The following SLC38A12 variants were observed in gnomAD, a reference collection of about 807,000 sequenced individuals.
The protein encoded by SLC38A12 is putative sodium-coupled neutral amino acid transporter 12.
At chr17:74,839,305 A>T in the SLC38A12 span, 2 of 896,922 alleles carry the variant, frequency 2.2e-6, no homozygotes, top group Non-Finnish European at 3.3e-6. Flanking sequence ...GCAACAGGCA[A>T]AGGCCAGAGT....
At chr17:74,839,168 C>T in the SLC38A12 span, 4 of 1,505,386 alleles carry the variant, frequency 2.7e-6, no homozygotes, top group Non-Finnish European at 3.5e-6. Context: ...CAGCTGCCAG[C>T]TTATAGATGG....
At chr17:74,796,421 G>A in the SLC38A12 span, among the ~76,000 whole-genome samples, 1 of 152,326 alleles carries the variant, frequency 6.6e-6, no homozygotes, top group Non-Finnish European at 1.5e-5. Flanking sequence ...AGGGAGGCAG[G>A]GACCAAGAGA....
At chr17:74,833,800 G>A in the SLC38A12 span, among the ~76,000 whole-genome samples, 5 of 152,202 alleles carry the variant, frequency 3.3e-5, no homozygotes, top group South Asian at 4.1e-4. Context: ...GTGGTACCTC[G>A]AGATGGCAGT....
chr17:74,816,150 T>C, the SLC38A12 span, among the ~76,000 whole-genome samples: 2 of 152,226 alleles, frequency 1.3e-5, no homozygotes, highest in Non-Finnish European at 2.9e-5. Context: ...GGCTCCTCCC[T>C]GTCAGCCCCA....
the SLC38A12 span, among the ~76,000 whole-genome samples, chr17:74,784,474 G>A: frequency 6.6e-6 from 1 of 152,180 alleles, no homozygotes; most frequent in African/African-American, 2.4e-5. Context: ...TGACTAGCAG[G>A]CAGCTGGACT....
At chr17:74,833,668 T>C in the SLC38A12 span, among the ~76,000 whole-genome samples, 1 of 152,320 alleles carries the variant, frequency 6.6e-6, no homozygotes, top group East Asian at 1.9e-4. Flanking sequence ...TCCTGCCTTC[T>C]TGCCTGCTTG....
the SLC38A12 span, among the ~76,000 whole-genome samples, chr17:74,814,228 C>T: frequency 5.5e-4 from 84 of 151,518 alleles, no homozygotes; most frequent in African/African-American, 1.9e-3. Context: ...CTGGTGATGG[C>T]GGGAAGCCGG....
At chr17:74,795,779 G>T in the SLC38A12 span, 2 of 656,806 alleles carry the variant, frequency 3.0e-6, no homozygotes, top group Non-Finnish European at 5.2e-6. Flanking sequence ...TGGGGCCTTG[G>T]CCCCAGGCAG....
At chr17:74,778,012 T>G in the SLC38A12 span, among the ~76,000 whole-genome samples, 1 of 152,264 alleles carries the variant, frequency 6.6e-6, no homozygotes, top group African/African-American at 2.4e-5. Context: ...CTCTGGGTTT[T>G]GCTCATCTCA....
chr17:74,790,238 C>T, the SLC38A12 span: 23,526 of 1,614,040 alleles, frequency 0.015, 196 homozygotes, highest in Non-Finnish European at 0.018. Context: ...CCTCAGACAG[C>T]GATGTTCTCA....
the SLC38A12 span, among the ~76,000 whole-genome samples, chr17:74,810,675 T>C: frequency 6.6e-6 from 1 of 152,252 alleles, no homozygotes; most frequent in South Asian, 2.1e-4. Context: ...AGCCCATTCC[T>C]GGGCTGGTCT....
At chr17:74,839,163 G>C in the SLC38A12 span, 1 of 1,508,638 alleles carries the variant, frequency 6.6e-7, no homozygotes, top group Middle Eastern at 2.2e-4. Context: ...AGCAGCAGCT[G>C]CCAGCTTATA....
At chr17:74,819,339 C>CAG in the SLC38A12 span, among the ~76,000 whole-genome samples, 1 of 152,258 alleles carries the variant, frequency 6.6e-6, no homozygotes, top group South Asian at 2.1e-4. Context: ...AACTAAGAGT[C>CAG]AGAGACATGG....
chr17:74,828,043 G>A, the SLC38A12 span, among the ~76,000 whole-genome samples: 2 of 152,352 alleles, frequency 1.3e-5, no homozygotes, highest in South Asian at 2.1e-4. Context: ...CTGAGCTGGT[G>A]ATGGGCACAC....
At chr17:74,806,748 G>C in the SLC38A12 span, among the ~76,000 whole-genome samples, 1 of 152,110 alleles carries the variant, frequency 6.6e-6, no homozygotes, top group African/African-American at 2.4e-5. Context: ...TCCCTCCTCT[G>C]TCCGATAGGA....
the SLC38A12 span, among the ~76,000 whole-genome samples, chr17:74,833,015 G>GACTT: frequency 0.27 from 40,356 of 151,782 alleles, 5,524 homozygotes; most frequent in East Asian, 0.41. Context: ...CCATATCCGT[G>GACTT]GCTTGTTTGT....
At chr17:74,787,607 C>T in the SLC38A12 span, among the ~76,000 whole-genome samples, 2,712 of 138,036 alleles carry the variant, frequency 0.02, 81 homozygotes, top group African/African-American at 0.069. Context: ...CCGGCCTGGG[C>T]GACAGAGCGA....
the SLC38A12 span, among the ~76,000 whole-genome samples, chr17:74,802,032 C>T: frequency 1.3e-5 from 2 of 152,110 alleles, no homozygotes; most frequent in African/African-American, 2.4e-5. Flanking sequence ...CGGCCCCTGT[C>T]CCTCCTTTCT....
the SLC38A12 span, among the ~76,000 whole-genome samples, chr17:74,807,361 GC>G: frequency 2.6e-5 from 4 of 152,246 alleles, no homozygotes; most frequent in African/African-American, 9.6e-5. Context: ...AGCCAGCATG[GC>G]CCATCGCAGC....
Sources: gnomAD v4.1 joint callset for allele counts (sites outside exome capture counted in the v4.1 genomes callset) on GRCh38, gnomAD v4.1.1 for gene constraint, MANE v1.5 for transcripts, NCBI Gene and HGNC (gene_info 2026-07-23, HGNC 2026-07-21) for gene names.